FXN: variants seen among roughly 807,000 people sequenced by gnomAD.
The protein encoded by FXN is frataxin.
In FXN, 14 loss-of-function variants were observed where a neutral mutation model predicts 22.4. That is an observed-to-expected ratio of 0.62 (90% confidence interval 0.41 to 0.98). The LOEUF is 0.98. Among genes scored for constraint, FXN ranks in the 50% least tolerant of loss-of-function variants. The pLI is 0.00. For synonymous variants in FXN, 120 were observed against 114.1 expected (o/e 1.05, Z -0.33); for missense variants, 267 against 268.4 (o/e 0.99, Z 0.04).
rs1011563208 is a variant in FXN, at chr9:69,077,240, T to G, written c.*4478T>G. Reference sequence around the variant, plus strand: ...AATGCCTTCTAATCTTTGGTTTATCTTAATTAGCCAGGACACTTGGAGTGC... The same window carrying G: ...AATGCCTTCTAATCTTTGGTTTATCGTAATTAGCCAGGACACTTGGAGTGC... On this transcript the variant is annotated 3_prime_UTR_variant, in exon 5 of 5. Coordinates refer to ENST00000484259, the MANE Select transcript of FXN (RefSeq NM_000144.5). The G allele has an allele frequency of 7.1e-6, 7 of 985,462 alleles. 2 individuals carry two copies. In the Admixed American group the frequency reaches 4.3e-4, roughly 61 times the overall value. 61.0% of individuals were successfully genotyped at this position (985,462 alleles called of 1,614,324 possible). A position where few individuals can be genotyped will look rare whatever the true frequency, so the allele number is the denominator to read the frequency against.
intron 4 of FXN, among the ~76,000 whole-genome samples, chr9:69,066,498 T>G (rs1832167657): frequency 6.6e-6 from 1 of 152,196 alleles, no homozygotes; most frequent in African/African-American, 2.4e-5. Flanking sequence ...TATTGGTTTT[T>G]AGACCCAGTT....
At position 69,035,761 on chromosome 9, in the gene FXN, C is replaced by A. The variant is rs748978397; in HGVS notation, c.-22C>A. The A allele has an allele frequency of 2.7e-6, 4 of 1,493,734 alleles. No homozygotes were observed. The South Asian group carries it at 5.1e-5, about 19-fold the overall frequency. The allele number at this position is 1,493,734 out of a possible 1,614,324, so 92.5% of individuals were successfully genotyped here. ...CAGCACCCAGCGCTGGAGGGCGGAG[C>A]GGGCGGCAGACCCGGAGCAGCATGT... On this transcript the variant is annotated 5_prime_UTR_variant, in exon 1 of 5. Coordinates refer to ENST00000484259, the MANE Select transcript of FXN (RefSeq NM_000144.5).
At position 69,055,107 on chromosome 9, in the gene FXN, T is replaced by A. The variant is rs143837658; in HGVS notation, c.384+1847T>A. 7.2e-5 allele frequency among the ~76,000 whole-genome samples: 11 copies of A among 152,312 alleles called. No individual in the cohort carries two copies. In the South Asian group the frequency reaches 1.2e-3, roughly 17 times the overall value. On this transcript the variant is annotated intron_variant, in intron 3 of 4. Coordinates refer to ENST00000484259, the MANE Select transcript of FXN (RefSeq NM_000144.5). ...TTGAATGCCTTTCAAGTAGATTCAG[T>A]AATTGCTGTTAGCAGCAAAAAATGC...
At chr9:69,069,223 G>A (rs1233453094) in intron 4 of FXN, among the ~76,000 whole-genome samples, 1 of 152,182 alleles carries the variant, frequency 6.6e-6, no homozygotes, top group African/African-American at 2.4e-5. Context: ...AAATTCGCCA[G>A]GCATGGTGGC....
intron 1 of FXN, among the ~76,000 whole-genome samples, chr9:69,044,780 G>A (rs1246136167): frequency 6.6e-6 from 1 of 152,130 alleles, no homozygotes; most frequent in Non-Finnish European, 1.5e-5. Context: ...CTGGTCAGCA[G>A]AGCTGGTGGT....
Position 69,073,541 on chromosome 9 carries a change from A to G in FXN, c.*779A>G, listed in dbSNP as rs2133140486. On this transcript the variant is annotated 3_prime_UTR_variant, in exon 5 of 5. Transcript: ENST00000484259. Reference sequence around the variant, plus strand: ...GTGATGTAGCGTAACAAACAAAATCATGGAGCTGAGGAGGTGCCTTGTAAA... The same window carrying G: ...GTGATGTAGCGTAACAAACAAAATCGTGGAGCTGAGGAGGTGCCTTGTAAA... The G allele has an allele frequency of 1.0e-6, 1 of 985,494 alleles. No individual in the cohort carries two copies. The highest frequency in any genetic ancestry group is 4.7e-5 in the South Asian group (1 of 21,288). The allele number at this position is 985,494 out of a possible 1,614,324, so 61.0% of individuals were successfully genotyped here.
At position 69,076,082 on chromosome 9, in the gene FXN, G is replaced by C. The variant is rs1191604268; in HGVS notation, c.*3320G>C. The C allele has an allele frequency of 2.0e-6, 2 of 984,532 alleles. No individual in the cohort carries two copies. Among genetic ancestry groups the C allele is most frequent in the Admixed American group, 1.2e-4 (2 of 16,242 alleles). 61.0% of individuals were successfully genotyped at this position (984,532 alleles called of 1,614,324 possible). A position where few individuals can be genotyped will look rare whatever the true frequency, so the allele number is the denominator to read the frequency against. On this transcript the variant is annotated 3_prime_UTR_variant, in exon 5 of 5. Coordinates refer to ENST00000484259, the MANE Select transcript of FXN (RefSeq NM_000144.5). Reference sequence around the variant, plus strand: ...CATAGAAAATAAAATGTTCTGGCATGACTTATTTAGCTCTCTGGAATTACA... The same window carrying C: ...CATAGAAAATAAAATGTTCTGGCATCACTTATTTAGCTCTCTGGAATTACA...
rs1351553108 is a variant in FXN at position 69,076,760 on chromosome 9, T to C, written c.*3998T>C. The C allele has an allele frequency of 1.0e-6, 1 of 985,288 alleles. No homozygotes were observed. The highest frequency in any genetic ancestry group is 1.1e-4 in the East Asian group (1 of 8,836). The allele number at this position is 985,288 out of a possible 1,614,324, so 61.0% of individuals were successfully genotyped here. On this transcript the variant is annotated 3_prime_UTR_variant, in exon 5 of 5. Coordinates refer to ENST00000484259, the MANE Select transcript of FXN (RefSeq NM_000144.5). ...GAAAGTAATTTTAGTCCGTGTCCAG[T>C]TGGATTCTTGGCACATAGTTATCTT...
At chr9:69,062,459 G>T (rs934443843) in intron 3 of FXN, among the ~76,000 whole-genome samples, 1 of 151,990 alleles carries the variant, frequency 6.6e-6, no homozygotes, top group African/African-American at 2.4e-5. Context: ...TACCAAAACA[G>T]TAAAAATGGG....
chr9:69,043,300 G>A (rs1480606919), intron 1 of FXN, among the ~76,000 whole-genome samples: 1 of 152,168 alleles, frequency 6.6e-6, no homozygotes, highest in Non-Finnish European at 1.5e-5. Context: ...TTGTCTCCAA[G>A]TGTAGTGCAA....
At chr9:69,065,122 T>C (rs1465779109) in intron 4 of FXN, 87 bp downstream of exon 4, 11 of 1,027,254 alleles carry the variant, frequency 1.1e-5, no homozygotes, top group South Asian at 2.6e-5. Context: ...AAATGTCGGC[T>C]GAGCACAGTG....
chr9:69,065,890 T>C (rs913622282), intron 4 of FXN, among the ~76,000 whole-genome samples: 2 of 152,232 alleles, frequency 1.3e-5, no homozygotes, highest in African/African-American at 4.8e-5. Context: ...AAGGGTTATT[T>C]GAATTCCCTT....
intron 3 of FXN, among the ~76,000 whole-genome samples, chr9:69,054,832 G>A (rs925921232): frequency 4.6e-5 from 7 of 152,130 alleles, no homozygotes; most frequent in Admixed American, 3.3e-4. Context: ...TCCTCTTGAT[G>A]GCAATTGACT....
intron 4 of FXN, among the ~76,000 whole-genome samples, chr9:69,070,920 A>G (rs1486459380): frequency 6.6e-6 from 1 of 151,756 alleles, no homozygotes; most frequent in Non-Finnish European, 1.5e-5. Context: ...ATCCTCCCAC[A>G]TCAGCCTCCC....
chr9:69,043,192 T>C (rs747507255), intron 1 of FXN, among the ~76,000 whole-genome samples: 7 of 152,210 alleles, frequency 4.6e-5, no homozygotes, highest in Non-Finnish European at 8.8e-5. Context: ...CCTTCTTATT[T>C]CAGCTGTCAT....
Position 69,073,035 on chromosome 9 carries a change from C to G in FXN, c.*273C>G. On this transcript the variant is annotated 3_prime_UTR_variant, in exon 5 of 5. Coordinates refer to ENST00000484259, the MANE Select transcript of FXN (RefSeq NM_000144.5). Reference sequence around the variant, plus strand: ...CCTTATCTTTTATAATGTCTTATGCCTATACCTGAATATAACAACCTTTAA... The same window carrying G: ...CCTTATCTTTTATAATGTCTTATGCGTATACCTGAATATAACAACCTTTAA... 3.0e-6 allele frequency: 4 copies of G among 1,334,310 alleles called. No homozygotes were observed. The highest frequency in any genetic ancestry group is 1.8e-5 in the South Asian group (1 of 55,238). 82.7% of individuals were successfully genotyped at this position (1,334,310 alleles called of 1,614,324 possible). A position where few individuals can be genotyped will look rare whatever the true frequency, so the allele number is the denominator to read the frequency against.
chr9:69,078,136 A>G lies in FXN; in HGVS notation c.*5374A>G. 1 of 985,428 alleles carries G rather than the reference A, an allele frequency of 1.0e-6. No homozygotes were observed. The highest frequency in any genetic ancestry group is 1.2e-6 in the Non-Finnish European group (1 of 829,922). 61.0% of individuals were successfully genotyped at this position (985,428 alleles called of 1,614,324 possible). A position where few individuals can be genotyped will look rare whatever the true frequency, so the allele number is the denominator to read the frequency against. On this transcript the variant is annotated 3_prime_UTR_variant, in exon 5 of 5. Transcript: ENST00000484259. Reference sequence around the variant, plus strand: ...CCTCCAAAGCTCAAAAGTAATAGAAACAGATGAGTTTGGAGTCAGGATTTC... The same window carrying G: ...CCTCCAAAGCTCAAAAGTAATAGAAGCAGATGAGTTTGGAGTCAGGATTTC...
intron 3 of FXN, among the ~76,000 whole-genome samples, chr9:69,053,840 GTGCATTCCTGGGAAGCATATT>G (rs1186677835): frequency 3.3e-5 from 5 of 152,164 alleles, no homozygotes; most frequent in African/African-American, 1.2e-4. Flanking sequence ...GGTAGGTCGG[GTGCATTCCTGGGAAGCATATT>G]TTTGAAAAGC....
chr9:69,067,972 A>G (rs1832202305), intron 4 of FXN, among the ~76,000 whole-genome samples: 2 of 152,224 alleles, frequency 1.3e-5, no homozygotes, highest in African/African-American at 4.8e-5. Context: ...CCTCTAGTGT[A>G]TAATGGGCAT....
Sources: allele counts gnomAD v4.1 joint callset (sites outside exome capture counted in the v4.1 genomes callset), GRCh38; gene constraint gnomAD v4.1.1; transcripts MANE v1.5; gene names NCBI Gene and HGNC (gene_info 2026-07-23, HGNC 2026-07-21).